Variants in SNAP91 observed in about 807,000 individuals in gnomAD.
The protein encoded by SNAP91 is clathrin coat assembly protein AP180.
SNAP91 carries 27 observed loss-of-function variants against 100.3 expected under a neutral mutation model. The ratio of observed to expected loss-of-function variants is 0.27; its 90% CI spans 0.20 to 0.37. The LOEUF (loss-of-function observed/expected upper bound fraction) is 0.37, where lower values mean the gene tolerates loss of function less well. Among genes scored for constraint, SNAP91 ranks in the 10% least tolerant of loss-of-function variants. SNAP91 has a pLI of 1.00. For synonymous variants in SNAP91, 404 were observed against 398.6 expected (o/e 1.01, Z -0.16); for missense variants, 986 against 1,123.7 (o/e 0.88, Z 1.75).
chr6:83,582,285 T>G lies in SNAP91; in HGVS notation c.2086A>C (p.Asn696His). 6.2e-7 allele frequency: 1 copy of G among 1,613,636 alleles called. No homozygotes were observed. The highest frequency in any genetic ancestry group is 8.5e-7 in the Non-Finnish European group (1 of 1,179,760). Residue 696 changes from asparagine to histidine, a missense_variant, in exon 23 of 30, where the codon AAT becomes CAT. Physicochemically the swap from Asn to His is moderately conservative, Grantham distance 68 (BLOSUM62 1). Around this residue, in one of 4 missense-constraint regions of SNAP91, gnomAD observed 575 missense variants for 579.9 expected, o/e 0.99. Coordinates refer to ENST00000369694, the MANE Select transcript of SNAP91 (RefSeq NM_001242792.2). ...TPAQNNLLQPNFEAAFGTTPS... is the reference protein window; with the variant it reads ...TPAQNNLLQPHFEAAFGTTPS... Reference sequence around the variant, plus strand: ...GTTGTCCCAAAAGCTGCCTCAAAATTGGGCTGTAGCAGGTTATTCTGAGCT... The same window carrying G: ...GTTGTCCCAAAAGCTGCCTCAAAATGGGGCTGTAGCAGGTTATTCTGAGCT...
At position 83,600,479 on chromosome 6, in the gene SNAP91, C is replaced by T. The variant is rs61322944; in HGVS notation, c.1324+792G>A. Among the ~76,000 whole-genome samples the T allele has an allele frequency of 3.1e-3, 472 of 152,224 alleles. 2 individuals carry two copies. The highest frequency in any genetic ancestry group is 0.011 in the African/African-American group (440 of 41,534). Reference sequence around the variant, plus strand: ...CTATAATGACTATAACATCACTTGACGTATGTGTTTGATATGAGAACTTCT... The same window carrying T: ...CTATAATGACTATAACATCACTTGATGTATGTGTTTGATATGAGAACTTCT... On this transcript the variant is annotated intron_variant, in intron 16 of 29. Transcript: ENST00000369694.
In SNAP91 at chr6:83,688,504, C is replaced by CTTTT. The variant is rs1386310059; in HGVS notation, c.130+19290_130+19293dup. Among the ~76,000 whole-genome samples the CTTTT allele has an allele frequency of 7.4e-4, 97 of 131,332 alleles. 2 individuals are homozygous for CTTTT. Among genetic ancestry groups the CTTTT allele is most frequent in the African/African-American group, 2.4e-3 (83 of 33,944 alleles). The allele number at this position is 131,332 out of a possible 152,430, so 86.2% of individuals were successfully genotyped here. A position where few individuals can be genotyped will look rare whatever the true frequency, so the allele number is the denominator to read the frequency against. Reference sequence around the variant, plus strand: ...TCCCTCAATACTCAGCCAAACATCACTTTTTTTTTTTTTTTTTTGAGATTG... The same window carrying CTTTT: ...TCCCTCAATACTCAGCCAAACATCACTTTTTTTTTTTTTTTTTTTTTTGAGATTG... On this transcript the variant is annotated intron_variant, in intron 2 of 29. Coordinates refer to ENST00000369694, the MANE Select transcript of SNAP91 (RefSeq NM_001242792.2).
chr6:83,674,318 C>T (rs1457389807), intron 2 of SNAP91, among the ~76,000 whole-genome samples: 1 of 152,074 alleles, frequency 6.6e-6, no homozygotes, highest in Non-Finnish European at 1.5e-5. Flanking sequence ...CCTGTAATCC[C>T]AGCTACTTGG....
At chr6:83,657,272 T>C (rs957322622) in intron 6 of SNAP91, among the ~76,000 whole-genome samples, 2 of 152,180 alleles carry the variant, frequency 1.3e-5, no homozygotes, top group African/African-American at 2.4e-5. Flanking sequence ...AAGAACAGCA[T>C]GGGGAATACC....
intron 8 of SNAP91, among the ~76,000 whole-genome samples, chr6:83,636,760 G>C (rs1584998563): frequency 6.6e-6 from 1 of 152,292 alleles, no homozygotes; most frequent in Non-Finnish European, 1.5e-5. Context: ...CTAAGTTCTT[G>C]AGCTGATTCC....
At chr6:83,657,411 A>G (rs896188092) in intron 6 of SNAP91, among the ~76,000 whole-genome samples, 4 of 152,142 alleles carry the variant, frequency 2.6e-5, no homozygotes, top group African/African-American at 9.7e-5. Context: ...TCCCTTTATG[A>G]CTTTCTCTTT....
chr6:83,605,469 T>C (rs2128275776), intron 14 of SNAP91, among the ~76,000 whole-genome samples: 1 of 152,332 alleles, frequency 6.6e-6, no homozygotes, highest in East Asian at 1.9e-4. Context: ...AAAAACTATA[T>C]GACTATTTGA....
chr6:83,615,377 A>G (rs1001345015), intron 10 of SNAP91, among the ~76,000 whole-genome samples: 6 of 152,196 alleles, frequency 3.9e-5, no homozygotes, highest in East Asian at 1.9e-4. Context: ...GCGGATGTAC[A>G]TATTTCCTTA....
chr6:83,599,985 A>G (rs2094975064), intron 16 of SNAP91, among the ~76,000 whole-genome samples: 1 of 152,102 alleles, frequency 6.6e-6, no homozygotes, highest in South Asian at 2.1e-4. Flanking sequence ...AGGTCTCACT[A>G]TATTGCCCAG....
At chr6:83,638,136 G>A (rs1396107526) in intron 8 of SNAP91, among the ~76,000 whole-genome samples, 3 of 152,174 alleles carry the variant, frequency 2.0e-5, no homozygotes, top group Admixed American at 6.5e-5. Flanking sequence ...CGCCTTGGGG[G>A]ATGGGCACCT....
At chr6:83,587,957 A>G (rs1339120269) in intron 22 of SNAP91, among the ~76,000 whole-genome samples, 1 of 152,158 alleles carries the variant, frequency 6.6e-6, no homozygotes, top group Non-Finnish European at 1.5e-5. Context: ...AGCCCTATGG[A>G]AATTAAAAGT....
At chr6:83,559,179 C>T (rs1783374969) in intron 28 of SNAP91, among the ~76,000 whole-genome samples, 1 of 152,130 alleles carries the variant, frequency 6.6e-6, no homozygotes, top group South Asian at 2.1e-4. Flanking sequence ...GGCAGAAAGC[C>T]CAACCATGAG....
intron 17 of SNAP91, 92 bp from the exon 18 acceptor site, chr6:83,593,833 G>T (rs767889364): frequency 2.7e-6 from 4 of 1,482,226 alleles, no homozygotes; most frequent in Middle Eastern, 1.9e-4. Flanking sequence ...ACCTTATACA[G>T]ATATTTACAC....
chr6:83,626,311 C>CT (rs1176868207), intron 8 of SNAP91, among the ~76,000 whole-genome samples: 2 of 152,038 alleles, frequency 1.3e-5, no homozygotes, highest in African/African-American at 4.8e-5. Context: ...TGGCTTCGTT[C>CT]TTTTTGCTTA....
At chr6:83,704,882 C>T (rs768770757) in intron 2 of SNAP91, among the ~76,000 whole-genome samples, 2 of 152,178 alleles carry the variant, frequency 1.3e-5, no homozygotes, top group Non-Finnish European at 2.9e-5. Context: ...ACACCAACTA[C>T]TTGAGAATCT....
At chr6:83,554,919 T>C (rs1445773528) in intron 29 of SNAP91, among the ~76,000 whole-genome samples, 1 of 152,174 alleles carries the variant, frequency 6.6e-6, no homozygotes, top group African/African-American at 2.4e-5. Context: ...TCTTTGTCTG[T>C]CTCTGTCTCT....
intron 2 of SNAP91, among the ~76,000 whole-genome samples, chr6:83,693,675 T>A (rs912184943): frequency 2.6e-5 from 4 of 152,194 alleles, no homozygotes; most frequent in Non-Finnish European, 5.9e-5. Flanking sequence ...TAATGCAAAA[T>A]GTAAAATCAA....
intron 14 of SNAP91, among the ~76,000 whole-genome samples, chr6:83,602,027 A>T (rs2095279790): frequency 6.6e-6 from 1 of 152,206 alleles, no homozygotes; most frequent in Admixed American, 6.5e-5. Context: ...CACTTTAAGC[A>T]TGTATAAAAA....
At chr6:83,642,383 C>T (rs1562476154) in intron 7 of SNAP91, among the ~76,000 whole-genome samples, 2 of 152,060 alleles carry the variant, frequency 1.3e-5, no homozygotes, top group Non-Finnish European at 2.9e-5. Flanking sequence ...TGTTCCCCTT[C>T]CTGTGTCCAA....
Sources: gnomAD v4.1 joint callset for allele counts (sites outside exome capture counted in the v4.1 genomes callset) on GRCh38, gnomAD v4.1.1 for gene constraint, gnomAD v4.1.1 regional missense constraint, MANE v1.5 for transcripts, NCBI Gene and HGNC (gene_info 2026-07-23, HGNC 2026-07-21) for gene names.